The following TELO2 variants were observed in gnomAD, a reference collection of about 807,000 sequenced individuals.
TELO2 encodes telomere length regulation protein TEL2 homolog.
A neutral mutation model predicts 91.0 loss-of-function variants in TELO2; 71 were observed. That is an observed-to-expected ratio of 0.78 (90% CI 0.64 to 0.95). The LOEUF (loss-of-function observed/expected upper bound fraction) is 0.95. TELO2 is among the 40% of genes least tolerant of loss of function. The pLI is 0.00. For synonymous variants in TELO2, 584 were observed against 518.9 expected, an observed-to-expected ratio of 1.13 and a Z score of -1.71; for missense variants, 1,183 against 1,141.3, an observed-to-expected ratio of 1.04 and a Z score of -0.53.
rs1462349141 is a variant in TELO2, at chr16:1,505,441, G to A, written c.1874G>A (p.Arg625Lys). 6.2e-7 allele frequency: 1 copy of A among 1,613,062 alleles called. No homozygotes were observed. The highest frequency in any genetic ancestry group is 1.1e-5 in the South Asian group (1 of 91,072). The change falls in exon 16 of 21, where the codon AGG becomes AAG. Residue 625 changes from arginine to lysine, a missense_variant. Arg to Lys is a conservative substitution (Grantham distance 26). Transcript: ENST00000262319. The surrounding 1 kb of genome is among the most constrained non-coding windows in gnomAD (Gnocchi z 4.3). Reference sequence around the variant, plus strand: ...ACTCTGGCTGCCCAGGAGCTGTCTAGGCCTGGGTGCCTCGGGAGGACTCCC... The same window carrying A: ...ACTCTGGCTGCCCAGGAGCTGTCTAAGCCTGGGTGCCTCGGGAGGACTCCC... The part of the protein sequence containing the change: ...VLTLAAQELS[R>K]PGCLGRTPQP...
intron 9 of TELO2, 45 bp from the exon 10 acceptor site, chr16:1,501,375 C>T (rs368269985): frequency 6.3e-5 from 99 of 1,583,120 alleles, no homozygotes; most frequent in East Asian, 4.1e-4. Context: ...CGGGGAGGGG[C>T]GCTGCAGCCT....
rs2039847592 is a variant in TELO2 at position 1,505,268 on chromosome 16, C to T, written c.1843-142C>T. 1 of 1,025,788 alleles carries T rather than the reference C, an allele frequency of 9.7e-7. No individual in the cohort carries two copies. Among genetic ancestry groups the T allele is most frequent in the East Asian group, 2.6e-5 (1 of 38,560 alleles). The allele number at this position is 1,025,788 out of a possible 1,614,324, so 63.5% of individuals were successfully genotyped here. A position where few individuals can be genotyped will look rare whatever the true frequency, so the allele number is the denominator to read the frequency against. On this transcript the variant is annotated intron_variant, in intron 15 of 20. Coordinates refer to ENST00000262319, the MANE Select transcript of TELO2 (RefSeq NM_016111.4). This position sits in a 1 kb window ranked among gnomAD's most constrained non-coding sequence, Gnocchi z 4.3. ...GTTGCTGTGAGCTACGGGGAAGTGA[C>T]TTTTCTCCTTGTTCCCAGAACACAC...
intron 11 of TELO2, 122 bp downstream of exon 11, chr16:1,501,895 C>A: frequency 7.0e-7 from 1 of 1,433,956 alleles, no homozygotes; most frequent in Non-Finnish European, 9.7e-7. Flanking sequence ...CTTTCGTCCT[C>A]ATGTGAGGGC....
rs1047809017 is a variant in TELO2 at position 1,493,679 on chromosome 16, G to C, written c.-37+74G>C. On this transcript the variant is annotated intron_variant, in intron 1 of 20. Coordinates refer to ENST00000262319, the MANE Select transcript of TELO2 (RefSeq NM_016111.4). This position sits in a 1 kb window ranked among gnomAD's most constrained non-coding sequence, Gnocchi z 4.3. ...GTTGGGCTCCAGGTCTGGTTGGGTCGGGTCCAGGTCGGGTAGGAGTCCGGT... is the reference window on the plus strand; with the variant it reads ...GTTGGGCTCCAGGTCTGGTTGGGTCCGGTCCAGGTCGGGTAGGAGTCCGGT... 2 of 153,558 alleles carry C rather than the reference G, an allele frequency of 1.3e-5. No homozygotes were observed. The highest frequency in any genetic ancestry group is 4.8e-5 in the African/African-American group (2 of 41,446). 9.5% of individuals were successfully genotyped at this position (153,558 alleles called of 1,614,324 possible). A position where few individuals can be genotyped will look rare whatever the true frequency, so the allele number is the denominator to read the frequency against.
chr16:1,502,846 C>A, intron 14 of TELO2, 85 bp downstream of exon 14: 1 of 1,602,408 alleles, frequency 6.2e-7, no homozygotes, highest in Non-Finnish European at 8.5e-7. Context: ...CGGTCCTGTG[C>A]TGGAGCTGGC....
In TELO2 at chr16:1,494,614, G is replaced by T. The variant is rs1296051613; in HGVS notation, c.333G>T (p.Ala111=). 8.1e-6 allele frequency: 13 copies of T among 1,610,718 alleles called. No homozygotes were observed. Among genetic ancestry groups the T allele is most frequent in the Non-Finnish European group, 1.1e-5 (13 of 1,178,384 alleles). Residue 111 remains alanine (A), a splice_region_variant and synonymous_variant, in exon 2 of 21, where the codon GCG becomes GCT. Transcript: ENST00000262319. The surrounding 1 kb of genome is among the most constrained non-coding windows in gnomAD (Gnocchi z 5.6). ...TGATGGAGACCATCGAGGGTGCTGC[G>T]GGGTGAGTGGGCTGGGCCCATCCTG... ...LVLMETIEGA[A]GPSFRLMKMA... is the part of the protein sequence containing the mutation.
Position 1,495,544 on chromosome 16 carries a change from G to T in TELO2, c.534G>T (p.Glu178Asp). ...GCCTGCAGCAGGAGAACTTGGCCGA[G>T]TTCTTCCCCCAGAACTACTTCCGCC... ...GNRLQQENLA[E>D]FFPQNYFRLL... The change falls in exon 3 of 21, where the codon GAG becomes GAT. Residue 178 changes from glutamate to aspartate, a missense_variant. Physicochemically the swap from Glu to Asp is conservative, Grantham distance 45. Coordinates refer to ENST00000262319, the MANE Select transcript of TELO2 (RefSeq NM_016111.4). 1 of 1,611,974 alleles carries T rather than the reference G, an allele frequency of 6.2e-7. No individual in the cohort carries two copies. The highest frequency in any genetic ancestry group is 1.3e-5 in the African/African-American group (1 of 75,070).
intron 3 of TELO2, among the ~76,000 whole-genome samples, chr16:1,496,547 C>T (rs1596251384): frequency 6.6e-6 from 1 of 152,370 alleles, no homozygotes; most frequent in African/African-American, 2.4e-5. Flanking sequence ...CCCCACGCGG[C>T]TCTGTGCTTT....
At chr16:1,502,002 T>C in intron 11 of TELO2, 45 bp from the exon 12 acceptor site, 1 of 1,611,526 alleles carries the variant, frequency 6.2e-7, no homozygotes, top group Non-Finnish European at 8.5e-7. Flanking sequence ...GGGCACTTCC[T>C]GTCACAGGCC....
chr16:1,497,495 G>A lies in TELO2; in HGVS notation c.817G>A (p.Glu273Lys), dbSNP rs774217929. The change falls in exon 5 of 21, where the codon GAG (glutamate) becomes AAG (lysine). Residue 273 changes from glutamate (E) to lysine (K), a missense_variant. Coordinates refer to ENST00000262319, the MANE Select transcript of TELO2 (RefSeq NM_016111.4). The surrounding 1 kb of genome is among the most constrained non-coding windows in gnomAD (Gnocchi z 4.0). Reference sequence around the variant, plus strand: ...GGAGGCTGTGCTGACCGGGCTGGTGGAGGCCGCACTGGGGTAAGCAGCCAG... The same window carrying A: ...GGAGGCTGTGCTGACCGGGCTGGTGAAGGCCGCACTGGGGTAAGCAGCCAG... ...AMEAVLTGLV[E>K]AALGPEVLSR... The A allele has an allele frequency of 5.1e-6, 8 of 1,569,080 alleles. No homozygotes were observed. The South Asian group carries it at 8.2e-5, about 16-fold the overall frequency.
chr16:1,502,376 T>G lies in TELO2; in HGVS notation c.1625T>G (p.Val542Gly). The change falls in exon 13 of 21, where the codon GTC (valine) becomes GGC (glycine). Residue 542 changes from valine to glycine, a missense_variant. Transcript: ENST00000262319. ...GCCCTGCGGGCCCTTGAGGGCCTGG[T>G]CTACAGGAGCCCCACAGCCACTCGG... ...EAALRALEGL[V>G]YRSPTATREV... 5 of 1,604,070 alleles carry G rather than the reference T, an allele frequency of 3.1e-6. No homozygotes were observed. The highest frequency in any genetic ancestry group is 2.5e-6 in the Non-Finnish European group (3 of 1,177,196).
rs546196109 is a variant in TELO2, at chr16:1,509,927, G to A, written c.2505G>A (p.Ala835=). 102 of 1,594,668 alleles carry A rather than the reference G, an allele frequency of 6.4e-5. No individual in the cohort carries two copies. Among genetic ancestry groups the A allele is most frequent in the South Asian group, 4.3e-4 (38 of 87,854 alleles). ...TCAAGAACAGGCTCCTCCCACCCGC[G>A]TCTCCCTAGTCCCTGGAGGCCTCCC... ...QRLKNRLLPP[A]SP The change falls in exon 21 of 21, where the codon GCG becomes GCA. Residue 835 remains alanine (A), a synonymous_variant. Transcript: ENST00000262319.
rs2039536330 is a variant in TELO2, at chr16:1,497,514, C to T, written c.830+6C>T. ...CTGGTGGAGGCCGCACTGGGGTAAG[C>T]AGCCAGGCTGTCCTCCAGCTGCACT... On this transcript the variant is annotated splice_donor_region_variant and intron_variant, in intron 5 of 20. Coordinates refer to ENST00000262319, the MANE Select transcript of TELO2 (RefSeq NM_016111.4). This position sits in a 1 kb window ranked among gnomAD's most constrained non-coding sequence, Gnocchi z 4.0. 8 of 1,552,222 alleles carry T rather than the reference C, an allele frequency of 5.2e-6. No homozygotes were observed. In the East Asian group the frequency reaches 1.9e-4, roughly 37 times the overall value.
At chr16:1,507,517 C>A in intron 19 of TELO2, 84 bp from the exon 20 acceptor site, 1 of 1,473,010 alleles carries the variant, frequency 6.8e-7, no homozygotes, top group Non-Finnish European at 9.2e-7. Flanking sequence ...AGGGCCGCAG[C>A]GTGGGTGGTC....
rs551978524 is a variant in TELO2 at position 1,495,329 on chromosome 16, C to T, written c.336-17C>T. 4 of 1,527,304 alleles carry T rather than the reference C, an allele frequency of 2.6e-6. No individual in the cohort carries two copies. Among genetic ancestry groups the T allele is most frequent in the South Asian group, 1.2e-5 (1 of 82,612 alleles). The allele number at this position is 1,527,304 out of a possible 1,614,324, so 94.6% of individuals were successfully genotyped here. On this transcript the variant is annotated splice_polypyrimidine_tract_variant and intron_variant, in intron 2 of 20. Transcript: ENST00000262319. ...GATGGGGGTTGGCGGCTCTGCCCAACACGCCCGTATCTTCAGCCCCAGCTT... is the reference window on the plus strand; with the variant it reads ...GATGGGGGTTGGCGGCTCTGCCCAATACGCCCGTATCTTCAGCCCCAGCTT...
intron 5 of TELO2, among the ~76,000 whole-genome samples, chr16:1,498,438 TG>T (rs901433077): frequency 3.3e-5 from 5 of 151,976 alleles, no homozygotes; most frequent in Admixed American, 6.6e-5. Flanking sequence ...GTGTTGTTGT[TG>T]GGGGGGATTG....
At position 1,507,310 on chromosome 16, in the gene TELO2, C is replaced by T; in HGVS notation, c.2231C>T (p.Ala744Val). 3 of 1,609,328 alleles carry T rather than the reference C, an allele frequency of 1.9e-6. No homozygotes were observed. The South Asian group carries it at 3.3e-5, about 18-fold the overall frequency. The stretch of plus-strand genomic sequence containing the variant: ...TGTCCCTCTGCTGGTGTCCAGGTGG[C>T]TGTGGCCATGGGCAAGGCCCTGCTG... ...LMCLAVNTTV[A>V]VAMGKALLEF... Residue 744 changes from alanine to valine, a missense_variant, in exon 19 of 21, where the codon GCT becomes GTT. Ala to Val is a moderately conservative substitution (Grantham distance 64). Coordinates refer to ENST00000262319, the MANE Select transcript of TELO2 (RefSeq NM_016111.4).
chr16:1,507,849 G>GGTGT lies in TELO2; in HGVS notation c.2407+175_2407+178dup, dbSNP rs560652753. 155 of 308,216 alleles carry GGTGT rather than the reference G, an allele frequency of 5.0e-4. 1 individual carries two copies. Among genetic ancestry groups the GGTGT allele is most frequent in the South Asian group, 6.4e-4 (20 of 31,474 alleles). The allele number at this position is 308,216 out of a possible 1,614,324, so 19.1% of individuals were successfully genotyped here. On this transcript the variant is annotated intron_variant, in intron 20 of 20. Transcript: ENST00000262319. ...GTGTGTGTGATGTGTGTTGGCCCGG[G>GGTGT]GTGTGTGTGTGTGTGTGTGTGTGTG...
intron 17 of TELO2, chr16:1,506,676 C>G: frequency 1.5e-6 from 2 of 1,370,804 alleles, no homozygotes; most frequent in Non-Finnish European, 9.4e-7. Flanking sequence ...GTGAGGCTCT[C>G]GAGATGGCAG....
Sources: allele counts gnomAD v4.1 joint callset (sites outside exome capture counted in the v4.1 genomes callset), GRCh38; gene constraint gnomAD v4.1.1; non-coding constraint Gnocchi (gnomAD v3.1); transcripts MANE v1.5; gene names NCBI Gene and HGNC (gene_info 2026-07-23, HGNC 2026-07-21).